The following NSD2 variants were observed in gnomAD, a reference collection of about 807,000 sequenced individuals.
The protein encoded by NSD2 is nuclear receptor binding SET domain protein 2, also known as histone-lysine N-methyltransferase NSD2.
In NSD2, 12 loss-of-function variants were observed where a neutral mutation model predicts 139.0. That is an observed-to-expected ratio of 0.09 (90% CI 0.06 to 0.14). NSD2 has a LOEUF of 0.14. Ranked by LOEUF, NSD2 falls within the 10% of genes least tolerant of loss-of-function variation. The pLI is 1.00. For synonymous variants in NSD2, 669 were observed against 648.7 expected (o/e 1.03, Z -0.48); for missense variants, 1,155 against 1,745.0 (o/e 0.66, Z 6.02).
In NSD2 at chr4:1,903,731, A is replaced by G. The variant is rs372070040; in HGVS notation, c.598-485A>G. Reference sequence around the variant, plus strand: ...ATCCTTTAGCTGAGAGTGAGAGAGAAATTTTTTTTTTTTTTTTTTTTGAGA... The same window carrying G: ...ATCCTTTAGCTGAGAGTGAGAGAGAGATTTTTTTTTTTTTTTTTTTTGAGA... On this transcript the variant is annotated intron_variant, in intron 2 of 21. Transcript: ENST00000508803. 5.9e-3 allele frequency among the ~76,000 whole-genome samples: 884 copies of G among 149,648 alleles called. 10 individuals are homozygous for G. Among genetic ancestry groups the G allele is most frequent in the African/African-American group, 0.021 (847 of 39,494 alleles).
chr4:1,884,926 T>A (rs982477411), intron 1 of NSD2, among the ~76,000 whole-genome samples: 5 of 151,458 alleles, frequency 3.3e-5, no homozygotes, highest in Admixed American at 3.3e-4. Context: ...CTGACCAACA[T>A]GGAGAAACCC....
intron 2 of NSD2, among the ~76,000 whole-genome samples, chr4:1,901,736 C>T (rs941365138): frequency 1.3e-5 from 2 of 152,234 alleles, no homozygotes; most frequent in African/African-American, 2.4e-5. Context: ...TGTCCTTACC[C>T]TGTGGTCCAG....
intron 15 of NSD2, among the ~76,000 whole-genome samples, chr4:1,957,070 T>C (rs1446711926): frequency 6.6e-6 from 1 of 152,184 alleles, no homozygotes; most frequent in Non-Finnish European, 1.5e-5. Context: ...TAACTGTGGA[T>C]GCAGGTGTCC....
intron 1 of NSD2, among the ~76,000 whole-genome samples, chr4:1,883,266 G>C (rs1714837857): frequency 6.6e-6 from 1 of 151,986 alleles, no homozygotes; most frequent in African/African-American, 2.4e-5. Flanking sequence ...AAAATTTGTG[G>C]ACTTCCTTAG....
intron 1 of NSD2, among the ~76,000 whole-genome samples, chr4:1,884,303 C>T (rs1037157425): frequency 6.6e-6 from 1 of 152,024 alleles, no homozygotes; most frequent in African/African-American, 2.4e-5. Flanking sequence ...GCCATGTTGC[C>T]CAGGCTGGTC....
At chr4:1,872,156 C>G (rs1201323597) in intron 1 of NSD2, among the ~76,000 whole-genome samples, 1 of 152,014 alleles carries the variant, frequency 6.6e-6, no homozygotes, top group African/African-American at 2.4e-5. Flanking sequence ...GACGCTCCCC[C>G]GGGAAGCCGG....
At chr4:1,895,831 C>T (rs1176200088) in intron 1 of NSD2, among the ~76,000 whole-genome samples, 2 of 152,208 alleles carry the variant, frequency 1.3e-5, no homozygotes, top group Non-Finnish European at 2.9e-5. Context: ...GCTTGGGGTT[C>T]ACATTTCTCA....
Position 1,959,667 on chromosome 4 carries a change from A to G in NSD2, c.3182A>G (p.Gln1061Arg), listed in dbSNP as rs763723156. 3 of 1,613,990 alleles carry G rather than the reference A, an allele frequency of 1.9e-6. No individual in the cohort carries two copies. The highest frequency in any genetic ancestry group is 8.5e-7 in the Non-Finnish European group (1 of 1,180,022). The part of the protein sequence containing the change: ...FCQNQCFTKR[Q>R]YPETKIIKTD... ...CAGAACCAGTGCTTCACCAAGCGCC[A>G]GTACCCAGAGACCAAGATCATCAAG... Residue 1061 changes from glutamine (Q) to arginine (R), a missense_variant, in exon 17 of 22, where the codon CAG becomes CGG. Physicochemically the swap from Gln to Arg is conservative, Grantham distance 43. Coordinates refer to ENST00000508803, the MANE Select transcript of NSD2 (RefSeq NM_001042424.3).
chr4:1,975,613 G>A (rs1726989340), intron 20 of NSD2: 1 of 553,042 alleles, frequency 1.8e-6, no homozygotes, highest in Non-Finnish European at 3.2e-6. Flanking sequence ...GGGGCTGCCA[G>A]AACAATGCCT....
intron 1 of NSD2, 86 bp from the exon 2 acceptor site, chr4:1,900,540 C>T (rs1396055174): frequency 1.2e-6 from 1 of 832,678 alleles, no homozygotes; most frequent in East Asian, 2.8e-5. Context: ...TCAGACCCCA[C>T]AAAGCTGTAG....
At chr4:1,945,805 G>A (rs1377847351) in intron 9 of NSD2, 2 of 1,064,298 alleles carry the variant, frequency 1.9e-6, no homozygotes, top group East Asian at 1.0e-4. Context: ...GTAAAGCCAC[G>A]GATTCCCCTC....
chr4:1,957,064 T>G (rs1168527222), intron 15 of NSD2, among the ~76,000 whole-genome samples: 1 of 152,172 alleles, frequency 6.6e-6, no homozygotes, highest in African/African-American at 2.4e-5. Flanking sequence ...GTCTCCTAAC[T>G]GTGGATGCAG....
At chr4:1,911,796 G>A (rs991036466) in intron 3 of NSD2, among the ~76,000 whole-genome samples, 2 of 151,904 alleles carry the variant, frequency 1.3e-5, no homozygotes, top group Non-Finnish European at 2.9e-5. Flanking sequence ...TATGTTATCC[G>A]GTTTCTAGAT....
rs898148988 is a variant in NSD2, at chr4:1,942,642, A to G, written c.1881+2864A>G. The G allele has an allele frequency of 2.1e-5, 25 of 1,197,150 alleles. No individual in the cohort carries two copies. The African/African-American group carries it at 3.6e-4, about 17-fold the overall frequency. The allele number at this position is 1,197,150 out of a possible 1,614,324, so 74.2% of individuals were successfully genotyped here. A position where few individuals can be genotyped will look rare whatever the true frequency, so the allele number is the denominator to read the frequency against. On this transcript the variant is annotated intron_variant, in intron 9 of 21. Transcript: ENST00000508803. This position sits in a 1 kb window ranked among gnomAD's most constrained non-coding sequence, Gnocchi z 4.0. ...AAACACGTTCATATTCCAGTGGTCA[A>G]TGTAGATTTCAAGTTGAAAGGCAGT... is the stretch of plus-strand genomic sequence containing the variant.
rs867756085 is a variant in NSD2, at chr4:1,940,440, T to C, written c.1881+662T>C. The C allele has an allele frequency of 1.8e-5, 19 of 1,063,292 alleles. No homozygotes were observed. In the African/African-American group the frequency reaches 2.8e-4, roughly 16 times the overall value. 65.9% of individuals were successfully genotyped at this position (1,063,292 alleles called of 1,614,324 possible). On this transcript the variant is annotated intron_variant, in intron 9 of 21. Coordinates refer to ENST00000508803, the MANE Select transcript of NSD2 (RefSeq NM_001042424.3). Reference sequence around the variant, plus strand: ...TCATTGTAACATGACACTTAGACTTTATTATCAAACCTAAATTTTTTGCCG... The same window carrying C: ...TCATTGTAACATGACACTTAGACTTCATTATCAAACCTAAATTTTTTGCCG...
chr4:1,966,721 A>G (rs1241236495), intron 18 of NSD2, among the ~76,000 whole-genome samples: 1 of 151,668 alleles, frequency 6.6e-6, no homozygotes, highest in Non-Finnish European at 1.5e-5. Flanking sequence ...CTGGTATTGT[A>G]ATTTAGTTTG....
At chr4:1,881,349 G>GCCTCCTGGGTTTACGCCAT (rs1714680247) in intron 1 of NSD2, among the ~76,000 whole-genome samples, 1 of 152,022 alleles carries the variant, frequency 6.6e-6, no homozygotes, top group African/African-American at 2.4e-5. Context: ...TGCAACCTCC[G>GCCTCCTGGGTTTACGCCAT]CCTCCTGGGT....
At chr4:1,952,373 A>G (rs1577529381) in intron 11 of NSD2, 142 bp downstream of exon 11, 1 of 1,293,038 alleles carries the variant, frequency 7.7e-7, no homozygotes, top group Non-Finnish European at 1.1e-6. Context: ...TGGAGCTTGT[A>G]GCCCACAGCT....
chr4:1,923,229 CTGTAATCCCAGTACT>C (rs1720393675), intron 5 of NSD2, among the ~76,000 whole-genome samples: 1 of 150,776 alleles, frequency 6.6e-6, no homozygotes, highest in Non-Finnish European at 1.5e-5. Context: ...TGACTCACGC[CTGTAATCCCAGTACT>C]TTGGGAGGCT....
Sources: allele counts gnomAD v4.1 joint callset (sites outside exome capture counted in the v4.1 genomes callset), GRCh38; gene constraint gnomAD v4.1.1; non-coding constraint Gnocchi (gnomAD v3.1); transcripts MANE v1.5; gene names NCBI Gene and HGNC (gene_info 2026-07-23, HGNC 2026-07-21).